EBF1: variants seen among roughly 807,000 people sequenced by gnomAD.
The protein encoded by EBF1 is transcription factor COE1.
In EBF1, 10 loss-of-function variants were observed where a neutral mutation model predicts 68.4. That is an observed-to-expected ratio of 0.15 (90% CI 0.09 to 0.25). EBF1 has a LOEUF of 0.25. Among genes scored for constraint, EBF1 ranks in the 10% least tolerant of loss-of-function variants. The probability of loss-of-function intolerance (pLI) is 1.00; values close to 1 mark genes in which losing one functional copy is unlikely to be tolerated. For synonymous variants in EBF1, 298 were observed against 299.8 expected, an observed-to-expected ratio of 0.99 and a Z score of 0.06; for missense variants, 509 against 794.4, an observed-to-expected ratio of 0.64 and a Z score of 4.32.
chr5:158,935,089 C>T (rs190221060), intron 6 of EBF1, among the ~76,000 whole-genome samples: 233 of 152,304 alleles, frequency 1.5e-3, no homozygotes, highest in African/African-American at 4.7e-3. Context: ...GAAAAATTGG[C>T]ACTAGTGTTT....
At chr5:158,710,217 T>C (rs1758874968) in intron 14 of EBF1, among the ~76,000 whole-genome samples, 1 of 152,240 alleles carries the variant, frequency 6.6e-6, no homozygotes, top group Admixed American at 6.5e-5. Context: ...GAGAATTTAA[T>C]ACTATGTTTG....
At chr5:158,787,009 T>G (rs1447336875) in intron 9 of EBF1, among the ~76,000 whole-genome samples, 2 of 152,176 alleles carry the variant, frequency 1.3e-5, no homozygotes, top group Admixed American at 1.3e-4. Context: ...AGATATGATA[T>G]ACATTGATAC....
intron 6 of EBF1, among the ~76,000 whole-genome samples, chr5:158,938,097 G>A (rs942623588): frequency 2.0e-5 from 3 of 152,252 alleles, no homozygotes; most frequent in Non-Finnish European, 4.4e-5. Flanking sequence ...CTGGAATCTT[G>A]ATATTTTTGT....
chr5:158,841,700 T>C (rs952457217), intron 6 of EBF1, among the ~76,000 whole-genome samples: 1 of 152,196 alleles, frequency 6.6e-6, no homozygotes, highest in Admixed American at 6.5e-5. Flanking sequence ...CACGAAGACA[T>C]ACAGAGTTCA....
At chr5:158,763,932 A>T (rs1052613578) in intron 10 of EBF1, among the ~76,000 whole-genome samples, 23 of 152,290 alleles carry the variant, frequency 1.5e-4, no homozygotes, top group African/African-American at 5.3e-4. Context: ...ATCTCTGAGG[A>T]CCTTTCCAAC....
At chr5:159,038,459 C>T (rs1465589772) in intron 6 of EBF1, among the ~76,000 whole-genome samples, 1 of 152,070 alleles carries the variant, frequency 6.6e-6, no homozygotes, top group Non-Finnish European at 1.5e-5. Flanking sequence ...ACGGTCAAAA[C>T]AACTTAAAAA....
rs1333136450 is a variant in EBF1 at position 158,847,977 on chromosome 5, A to G, written c.555-7867T>C. On this transcript the variant is annotated intron_variant, in intron 6 of 15. Coordinates refer to ENST00000313708, the MANE Select transcript of EBF1 (RefSeq NM_024007.5). ...AACTTTGCTTCAGTAACAGCGACCC[A>G]CCCCACAAAGCCAAGCATAAAAAAT... Among the ~76,000 whole-genome samples the G allele has an allele frequency of 3.3e-5, 5 of 152,190 alleles. No individual in the cohort carries two copies. In the East Asian group the frequency reaches 9.7e-4, roughly 29 times the overall value.
In EBF1 at chr5:158,867,437, A is replaced by G. The variant is rs28541454; in HGVS notation, c.555-27327T>C. On this transcript the variant is annotated intron_variant, in intron 6 of 15. Coordinates refer to ENST00000313708, the MANE Select transcript of EBF1 (RefSeq NM_024007.5). ...TAACTCAAGGTTCAAGATGGGATAC[A>G]GTGTTTCTTTAACTGGCGACCCTTT... 8.6e-3 allele frequency among the ~76,000 whole-genome samples: 1,308 copies of G among 152,340 alleles called. 26 individuals are homozygous for G. The highest frequency in any genetic ancestry group is 0.03 in the African/African-American group (1,242 of 41,574).
At chr5:159,044,130 T>C (rs1455779245) in intron 6 of EBF1, among the ~76,000 whole-genome samples, 1 of 152,222 alleles carries the variant, frequency 6.6e-6, no homozygotes, top group Non-Finnish European at 1.5e-5. Context: ...CTAAAAATGA[T>C]GTTCTGTGTA....
chr5:158,773,255 C>T (rs766409980), intron 10 of EBF1, among the ~76,000 whole-genome samples: 9 of 152,098 alleles, frequency 5.9e-5, no homozygotes, highest in Admixed American at 2.0e-4. Context: ...ATAGCCCCTC[C>T]TATGTGCAAA....
At position 158,958,658 on chromosome 5, in the gene EBF1, C is replaced by T. The variant is rs147711397; in HGVS notation, c.554+114738G>A. ...CCCCCCACAGACAGGTTAATATACA[C>T]ATCCCACTGGTATTATTGCTTTGCG... On this transcript the variant is annotated intron_variant, in intron 6 of 15. Coordinates refer to ENST00000313708, the MANE Select transcript of EBF1 (RefSeq NM_024007.5). Among the ~76,000 whole-genome samples, 168 of 152,226 alleles carry T rather than the reference C, an allele frequency of 1.1e-3. 1 individual carries two copies. Among genetic ancestry groups the T allele is most frequent in the African/African-American group, 3.9e-3 (163 of 41,540 alleles).
At chr5:158,990,080 G>T (rs567236487) in intron 6 of EBF1, among the ~76,000 whole-genome samples, 10 of 152,270 alleles carry the variant, frequency 6.6e-5, no homozygotes, top group African/African-American at 2.4e-4. Context: ...AAGAGGGAGC[G>T]AAATGTGAAC....
intron 6 of EBF1, among the ~76,000 whole-genome samples, chr5:159,016,283 T>A (rs1195363849): frequency 6.6e-6 from 1 of 152,224 alleles, no homozygotes; most frequent in Admixed American, 6.5e-5. Context: ...CTGTGTTCTC[T>A]GAAAAGCTGA....
At chr5:158,967,351 T>C (rs960608319) in intron 6 of EBF1, among the ~76,000 whole-genome samples, 1 of 152,176 alleles carries the variant, frequency 6.6e-6, no homozygotes, top group Non-Finnish European at 1.5e-5. Context: ...CCAGAATCAA[T>C]ATGTATCTTT....
chr5:158,873,370 G>C (rs1429497429), intron 6 of EBF1, among the ~76,000 whole-genome samples: 1 of 152,068 alleles, frequency 6.6e-6, no homozygotes. Flanking sequence ...CAGCTCTCTA[G>C]AGTGATTCGC....
chr5:159,003,195 C>T (rs1161141173), intron 6 of EBF1, among the ~76,000 whole-genome samples: 1 of 152,134 alleles, frequency 6.6e-6, no homozygotes, highest in Middle Eastern at 3.2e-3. Context: ...GTCACAAGAT[C>T]AACAAACATC....
intron 7 of EBF1, among the ~76,000 whole-genome samples, chr5:158,828,633 T>C (rs1400372716): frequency 6.6e-6 from 1 of 152,242 alleles, no homozygotes; most frequent in Non-Finnish European, 1.5e-5. Flanking sequence ...GTCCATATTC[T>C]GGTTGTCATA....
intron 5 of EBF1, among the ~76,000 whole-genome samples, chr5:159,080,164 T>C (rs950253735): frequency 6.6e-6 from 1 of 152,302 alleles, no homozygotes; most frequent in Admixed American, 6.5e-5. Flanking sequence ...ACCATCCACC[T>C]GCAGGACTCT....
At chr5:158,966,746 C>T (rs759437068) in intron 6 of EBF1, among the ~76,000 whole-genome samples, 20 of 152,172 alleles carry the variant, frequency 1.3e-4, no homozygotes, top group Non-Finnish European at 2.4e-4. Flanking sequence ...CTTGTCCCCC[C>T]GAAAGACAGC....
Sources: gnomAD v4.1 joint callset for allele counts (sites outside exome capture counted in the v4.1 genomes callset) on GRCh38, gnomAD v4.1.1 for gene constraint, MANE v1.5 for transcripts, NCBI Gene and HGNC (gene_info 2026-07-23, HGNC 2026-07-21) for gene names.